NUP54: variants seen among roughly 807,000 people sequenced by gnomAD.
NUP54 encodes the protein nucleoporin p54.
In NUP54, 27 loss-of-function variants were observed where a neutral mutation model predicts 66.4. The observed-to-expected ratio is 0.41, with a 90% confidence interval of 0.30 to 0.56. NUP54 has a LOEUF of 0.56. NUP54 is among the 20% of genes least tolerant of loss of function. The pLI is 0.34. For missense variants in NUP54, 486 were observed against 596.3 expected, an observed-to-expected ratio of 0.82 and a Z score of 1.93; for synonymous variants, 206 against 210.7, an observed-to-expected ratio of 0.98 and a Z score of 0.19.
rs575485290 is a variant in NUP54, at chr4:76,122,021, T to C, written c.1164+2628A>G. Among the ~76,000 whole-genome samples the C allele has an allele frequency of 2.6e-5, 4 of 152,322 alleles. No individual in the cohort carries two copies. The South Asian group carries it at 8.3e-4, about 32-fold the overall frequency. On this transcript the variant is annotated intron_variant, in intron 9 of 11. Coordinates refer to ENST00000264883, the MANE Select transcript of NUP54 (RefSeq NM_017426.4). ...AATGATGATAATATTGGGTGTCCGT[T>C]GTCTAGTTTCTAAATGCGATTTTAG...
At chr4:76,122,991 A>C (rs1027119243) in intron 9 of NUP54, among the ~76,000 whole-genome samples, 1 of 152,230 alleles carries the variant, frequency 6.6e-6, no homozygotes, top group Non-Finnish European at 1.5e-5. Flanking sequence ...CATTTATATG[A>C]GGTTTCCAGA....
intron 11 of NUP54, 48 bp from the exon 12 acceptor site, chr4:76,115,542 C>A (rs1301311907): frequency 6.8e-7 from 1 of 1,478,054 alleles, no homozygotes; most frequent in Non-Finnish European, 9.1e-7. Flanking sequence ...TTTCTTAAAA[C>A]TGCAAGCTAG....
At chr4:76,125,740 A>G (rs1304517276) in intron 8 of NUP54, among the ~76,000 whole-genome samples, 1 of 9,810 alleles carries the variant, frequency 1.0e-4, no homozygotes, top group African/African-American at 1.0e-3. Flanking sequence ...GAGGGAGAAG[A>G]GGGAGAGAGG....
chr4:76,115,549 C>T, intron 11 of NUP54, 55 bp from the exon 12 acceptor site: 1 of 1,434,134 alleles, frequency 7.0e-7, no homozygotes, highest in African/African-American at 1.4e-5. Context: ...AAACTGCAAG[C>T]TAGTCACAGG....
In NUP54 at chr4:76,147,736, T is replaced by C. The variant is rs952214296; in HGVS notation, c.67+572A>G. The C allele has an allele frequency of 3.9e-5, 39 of 1,011,454 alleles. 1 individual carries two copies. The Middle Eastern group carries it at 1.3e-3, about 33-fold the overall frequency. 62.7% of individuals were successfully genotyped at this position (1,011,454 alleles called of 1,614,324 possible). A position where few individuals can be genotyped will look rare whatever the true frequency, so the allele number is the denominator to read the frequency against. ...AAGGATTAGAAGAATCAGCAGGAGG[T>C]TTCACAGAAGTGAACAAACCTGGTT... is the stretch of plus-strand genomic sequence containing the variant. On this transcript the variant is annotated intron_variant, in intron 1 of 11. Transcript: ENST00000264883.
intron 3 of NUP54, among the ~76,000 whole-genome samples, chr4:76,143,073 T>A (rs12641564): frequency 0.35 from 52,950 of 151,464 alleles, 10,341 homozygotes; most frequent in East Asian, 0.55. Flanking sequence ...CAATGGCTGA[T>A]CACTCAAAAA....
At chr4:76,125,034 A>T (rs1026981602) in intron 8 of NUP54, among the ~76,000 whole-genome samples, 5 of 152,162 alleles carry the variant, frequency 3.3e-5, no homozygotes, top group Admixed American at 6.5e-5. Flanking sequence ...TCACACCTGT[A>T]ATCCCACCAC....
At chr4:76,129,255 T>C (rs1240217364) in intron 8 of NUP54, among the ~76,000 whole-genome samples, 1 of 152,094 alleles carries the variant, frequency 6.6e-6, no homozygotes, top group East Asian at 1.9e-4. Context: ...ATTTAAAACT[T>C]ACCGAGGATT....
At chr4:76,143,545 A>G (rs1731355716) in intron 3 of NUP54, among the ~76,000 whole-genome samples, 1 of 152,228 alleles carries the variant, frequency 6.6e-6, no homozygotes, top group Non-Finnish European at 1.5e-5. Flanking sequence ...CGGAGGTTGC[A>G]GTGAGCCGAG....
intron 8 of NUP54, among the ~76,000 whole-genome samples, chr4:76,129,111 G>A (rs1356897744): frequency 6.6e-6 from 1 of 152,132 alleles, no homozygotes; most frequent in East Asian, 1.9e-4. Flanking sequence ...ATAAATGTAT[G>A]GGGTAATGGA....
chr4:76,144,690 T>C (rs541259762), intron 1 of NUP54, among the ~76,000 whole-genome samples: 2 of 152,258 alleles, frequency 1.3e-5, no homozygotes, highest in South Asian at 2.1e-4. Flanking sequence ...AAAATAGAAA[T>C]ATCACAATGT....
At chr4:76,117,928 A>C in intron 10 of NUP54, 147 bp downstream of exon 10, 2 of 1,009,246 alleles carry the variant, frequency 2.0e-6, no homozygotes, top group East Asian at 4.8e-5. Context: ...AGCCAAAAGA[A>C]CCATGACTGA....
chr4:76,123,465 T>A (rs1461463657), intron 9 of NUP54, among the ~76,000 whole-genome samples: 1 of 152,194 alleles, frequency 6.6e-6, no homozygotes, highest in African/African-American at 2.4e-5. Flanking sequence ...TAAAACTTCC[T>A]CTGAGTTCCA....
At chr4:76,121,136 A>G (rs1730216093) in intron 9 of NUP54, among the ~76,000 whole-genome samples, 1 of 152,178 alleles carries the variant, frequency 6.6e-6, no homozygotes, top group Non-Finnish European at 1.5e-5. Flanking sequence ...ATTTTTATAC[A>G]ATGCAATGGT....
intron 8 of NUP54, among the ~76,000 whole-genome samples, chr4:76,130,289 A>G (rs1201887889): frequency 1.3e-5 from 2 of 152,154 alleles, no homozygotes; most frequent in East Asian, 3.8e-4. Context: ...TTTAAGCATT[A>G]ATTTTATCAA....
In NUP54 at chr4:76,131,313, A is replaced by G. The variant is rs1187727331; in HGVS notation, c.908-29T>C. On this transcript the variant is annotated intron_variant, in intron 6 of 11. Coordinates refer to ENST00000264883, the MANE Select transcript of NUP54 (RefSeq NM_017426.4). ...CCACAAATAAAAAATATTTTTTCTA[A>G]AACAATTTTCTATTTTTATAATATG... 4 of 1,438,372 alleles carry G rather than the reference A, an allele frequency of 2.8e-6. No homozygotes were observed. In the African/African-American group the frequency reaches 4.4e-5, roughly 16 times the overall value. 89.1% of individuals were successfully genotyped at this position (1,438,372 alleles called of 1,614,324 possible).
At chr4:76,143,331 C>T (rs576285540) in intron 3 of NUP54, among the ~76,000 whole-genome samples, 10 of 152,180 alleles carry the variant, frequency 6.6e-5, no homozygotes, top group Non-Finnish European at 1.2e-4. Flanking sequence ...AGAGGCCAGG[C>T]GCGGTGGCGC....
intron 9 of NUP54, among the ~76,000 whole-genome samples, chr4:76,118,871 GGT>G (rs1433334187): frequency 2.0e-5 from 3 of 151,978 alleles, no homozygotes; most frequent in Non-Finnish European, 4.4e-5. Context: ...GGACGTTGAT[GGT>G]GCACGCCTGT....
chr4:76,146,165 T>C (rs1731490013), intron 1 of NUP54: 1 of 439,820 alleles, frequency 2.3e-6, no homozygotes, highest in Admixed American at 2.5e-5. Flanking sequence ...AACAAGAAAG[T>C]CTATCAGCCC....
Sources: allele counts gnomAD v4.1 joint callset (sites outside exome capture counted in the v4.1 genomes callset), GRCh38; gene constraint gnomAD v4.1.1; transcripts MANE v1.5; gene names NCBI Gene and HGNC (gene_info 2026-07-23, HGNC 2026-07-21).